Variants in ACER2 observed in about 807,000 individuals in gnomAD.
ACER2 encodes alkCDase 2.
ACER2 carries 26 observed loss-of-function variants against 34.7 expected under a neutral mutation model. The observed-to-expected ratio is 0.75, with a 90% confidence interval of 0.55 to 1.04. The LOEUF is 1.04. Ranked by LOEUF, ACER2 falls within the 50% of genes least tolerant of loss-of-function variation. The pLI is 0.00. For missense variants in ACER2, 352 were observed against 340.8 expected, an observed-to-expected ratio of 1.03 and a Z score of -0.26; for synonymous variants, 138 against 132.1, an observed-to-expected ratio of 1.04 and a Z score of -0.31.
chr9:19,417,061 C>T (rs1830261553), intron 1 of ACER2, among the ~76,000 whole-genome samples: 1 of 151,062 alleles, frequency 6.6e-6, no homozygotes. Context: ...GTAAAAATCA[C>T]AAGCATTCCT....
intron 3 of ACER2, among the ~76,000 whole-genome samples, chr9:19,433,657 A>G (rs1389322783): frequency 2.6e-5 from 4 of 152,338 alleles, no homozygotes; most frequent in Admixed American, 6.5e-5. Flanking sequence ...CCCGTTCTCA[A>G]TGAGCTGTTG....
In ACER2 at chr9:19,438,389, T is replaced by A. The variant is rs1226722423; in HGVS notation, c.503+3305T>A. Among the ~76,000 whole-genome samples the A allele has an allele frequency of 2.0e-5, 3 of 152,326 alleles. No individual in the cohort carries two copies. The East Asian group carries it at 5.8e-4, about 29-fold the overall frequency. ...TATCTGTTTTTTAGGGATCTTACCT[T>A]TATTATCCAGGAACTCTCCCTAATG... is the stretch of plus-strand genomic sequence containing the variant. On this transcript the variant is annotated intron_variant, in intron 4 of 5. Coordinates refer to ENST00000340967, the MANE Select transcript of ACER2 (RefSeq NM_001010887.3).
intron 1 of ACER2, among the ~76,000 whole-genome samples, chr9:19,412,364 TGTATAAG>T (rs1266442800): frequency 6.6e-6 from 1 of 152,146 alleles, no homozygotes; most frequent in Non-Finnish European, 1.5e-5. Flanking sequence ...AAAATACGCA[TGTATAAG>T]GCTGGGGGCA....
chr9:19,448,384 T>C (rs1831444728), intron 5 of ACER2, among the ~76,000 whole-genome samples: 1 of 152,202 alleles, frequency 6.6e-6, no homozygotes, highest in Admixed American at 6.5e-5. Context: ...CATCATTCCA[T>C]ACCAATACAT....
chr9:19,416,600 A>G (rs890704187), intron 1 of ACER2, among the ~76,000 whole-genome samples: 1 of 149,470 alleles, frequency 6.7e-6, no homozygotes, highest in Non-Finnish European at 1.5e-5. Context: ...ATCTCGGCTT[A>G]CTGCAACCTC....
chr9:19,422,787 T>C (rs1241334270), intron 1 of ACER2, among the ~76,000 whole-genome samples: 1 of 151,808 alleles, frequency 6.6e-6, no homozygotes, highest in Non-Finnish European at 1.5e-5. Context: ...TCCCAGAACT[T>C]TGGGAGGCCT....
intron 3 of ACER2, among the ~76,000 whole-genome samples, chr9:19,429,562 G>A (rs528768857): frequency 3.9e-5 from 6 of 152,196 alleles, no homozygotes; most frequent in South Asian, 2.1e-4. Context: ...AAACTCCTGG[G>A]CTCAAGAGAT....
chr9:19,448,004 C>CTTTTTTTTTT (rs557934540), intron 5 of ACER2, among the ~76,000 whole-genome samples: 4 of 109,900 alleles, frequency 3.6e-5, no homozygotes, highest in Admixed American at 1.2e-4. Flanking sequence ...ACGATGCAAA[C>CTTTTTTTTTT]TTTTTTTTTT....
rs183741271 is a variant in ACER2 at position 19,439,850 on chromosome 9, C to G, written c.503+4766C>G. Among the ~76,000 whole-genome samples the G allele has an allele frequency of 2.6e-3, 390 of 152,236 alleles. 2 individuals are homozygous for G. Among genetic ancestry groups the G allele is most frequent in the African/African-American group, 9.1e-3 (376 of 41,544 alleles). On this transcript the variant is annotated intron_variant, in intron 4 of 5. Coordinates refer to ENST00000340967, the MANE Select transcript of ACER2 (RefSeq NM_001010887.3). ...AGTGTGGTGGCAGATGCTTGTAATC[C>G]CAGCTATTCGGGAGGCTGAGGCAGG...
At chr9:19,438,707 T>C (rs1831049962) in intron 4 of ACER2, among the ~76,000 whole-genome samples, 2 of 152,254 alleles carry the variant, frequency 1.3e-5, no homozygotes, top group South Asian at 4.1e-4. Flanking sequence ...CTAGTTTCAT[T>C]GTAACTCTTG....
At chr9:19,441,087 A>T (rs1374177686) in intron 4 of ACER2, among the ~76,000 whole-genome samples, 1 of 140,524 alleles carries the variant, frequency 7.1e-6, no homozygotes, top group Non-Finnish European at 1.5e-5. Flanking sequence ...CTACTGTGTC[A>T]CCCAGGCTGG....
chr9:19,432,735 A>G (rs1830797516), intron 3 of ACER2, among the ~76,000 whole-genome samples: 2 of 147,848 alleles, frequency 1.4e-5, no homozygotes, highest in East Asian at 1.9e-4. Flanking sequence ...TTCTTTACAC[A>G]TATATATAAA....
intron 1 of ACER2, among the ~76,000 whole-genome samples, chr9:19,422,877 C>T (rs1830446407): frequency 6.6e-6 from 1 of 151,582 alleles, no homozygotes; most frequent in African/African-American, 2.4e-5. Context: ...ACTAAAAATA[C>T]AAAAATTAGC....
At chr9:19,417,630 T>C (rs1479452536) in intron 1 of ACER2, among the ~76,000 whole-genome samples, 1 of 152,220 alleles carries the variant, frequency 6.6e-6, no homozygotes, top group Non-Finnish European at 1.5e-5. Flanking sequence ...GATTCCCTAT[T>C]AATAAATGGT....
At chr9:19,435,865 C>G (rs1422409374) in intron 4 of ACER2, among the ~76,000 whole-genome samples, 1 of 151,170 alleles carries the variant, frequency 6.6e-6, no homozygotes, top group Admixed American at 6.6e-5. Flanking sequence ...CTGGCTAACA[C>G]AGTGAAACCC....
intron 4 of ACER2, among the ~76,000 whole-genome samples, chr9:19,439,366 A>G (rs1262993006): frequency 9.4e-6 from 1 of 106,578 alleles, no homozygotes; most frequent in African/African-American, 3.2e-5. Context: ...TTGGAGACGT[A>G]GTCTCGCTCT....
At chr9:19,437,065 C>T (rs1179791683) in intron 4 of ACER2, among the ~76,000 whole-genome samples, 1 of 152,218 alleles carries the variant, frequency 6.6e-6, no homozygotes, top group African/African-American at 2.4e-5. Context: ...GTGTATTCAA[C>T]CTTTTCTGTT....
At chr9:19,414,925 C>G (rs75108781) in intron 1 of ACER2, among the ~76,000 whole-genome samples, 2,571 of 151,104 alleles carry the variant, frequency 0.017, 72 homozygotes, top group African/African-American at 0.057. Context: ...AGGGATACAT[C>G]TCAGTAGAGA....
intron 4 of ACER2, among the ~76,000 whole-genome samples, chr9:19,437,033 A>C (rs985195090): frequency 2.6e-5 from 4 of 152,088 alleles, no homozygotes; most frequent in Non-Finnish European, 5.9e-5. Flanking sequence ...TTTGCTTCCT[A>C]AGGTAGGCAT....
Sources: gnomAD v4.1 joint callset for allele counts (sites outside exome capture counted in the v4.1 genomes callset) on GRCh38, gnomAD v4.1.1 for gene constraint, MANE v1.5 for transcripts, NCBI Gene and HGNC (gene_info 2026-07-23, HGNC 2026-07-21) for gene names.